C1QTNF9: variants seen among roughly 807,000 people sequenced by gnomAD.
C1QTNF9 encodes C1q and TNF related 9.
Under a neutral mutation model 10.1 loss-of-function variants are expected in C1QTNF9, and 6 were observed. The ratio of observed to expected loss-of-function variants is 0.59; its 90% confidence interval spans 0.32 to 1.17. The LOEUF (loss-of-function observed/expected upper bound fraction) is 1.17. Ranked by LOEUF, C1QTNF9 falls within the 50% of genes most tolerant of loss-of-function variation. The probability of loss-of-function intolerance (pLI) is 0.04; values close to 1 mark genes in which losing one functional copy is unlikely to be tolerated. For missense variants in C1QTNF9, 201 were observed against 418.8 expected (o/e 0.48, Z 4.54); for synonymous variants, 98 against 163.5 (o/e 0.60, Z 3.06).
chr13:24,314,474 A>G (rs1206177349), intron 1 of C1QTNF9, among the ~76,000 whole-genome samples: 1 of 152,080 alleles, frequency 6.6e-6, no homozygotes, highest in Non-Finnish European at 1.5e-5. Flanking sequence ...CCTGAGGTCA[A>G]GAGTTTGAGA....
At chr13:24,307,366 G>A (rs1305150599), upstream of C1QTNF9, 1 of 152,412 alleles carries the variant, frequency 6.6e-6, no homozygotes, top group African/African-American at 2.4e-5. Context: ...ATGGAGAGGA[G>A]ACAGAACAAC....
upstream of C1QTNF9, among the ~76,000 whole-genome samples, chr13:24,307,557 G>GGCT (rs1877645621): frequency 6.6e-6 from 1 of 152,224 alleles, no homozygotes; most frequent in Non-Finnish European, 1.5e-5. Flanking sequence ...TTCCTATGAA[G>GGCT]GCTGCCAAGT....
chr13:24,314,540 A>G lies in C1QTNF9; in HGVS notation c.-22-1442A>G, dbSNP rs1393366174. ...TCTACTAAAAATACAAAAATTAGCT[A>G]GGCGTGGTGGTGGCGCCTGTAGTCC... On this transcript the variant is annotated intron_variant, in intron 1 of 3. Transcript: ENST00000332018. Among the ~76,000 whole-genome samples, 6 of 152,192 alleles carry G rather than the reference A, an allele frequency of 3.9e-5. No individual in the cohort carries two copies. In the South Asian group the frequency reaches 1.2e-3, roughly 32 times the overall value.
At chr13:24,315,851 G>C (rs1878000154) in intron 1 of C1QTNF9, 131 bp from the exon 2 acceptor site, 1 of 957,942 alleles carries the variant, frequency 1.0e-6, no homozygotes, top group Admixed American at 2.6e-5. Flanking sequence ...TGAGCCTTCT[G>C]TCCAAGTTTG....
At chr13:24,322,334 C>T (rs1878305357) in exon 4 of C1QTNF9, 1 of 152,398 alleles carries the variant, frequency 6.6e-6, no homozygotes, top group Non-Finnish European at 1.5e-5. Flanking sequence ...CAACCCATCA[C>T]CTAGGTATTA....
chr13:24,315,719 GTA>G lies in C1QTNF9; in HGVS notation c.-22-261_-22-260del, dbSNP rs1182511748. The G allele has an allele frequency of 1.4e-5, 7 of 515,502 alleles. No homozygotes were observed. The East Asian group carries it at 2.0e-4, about 15-fold the overall frequency. The allele number at this position is 515,502 out of a possible 1,614,324, so 31.9% of individuals were successfully genotyped here. A position where few individuals can be genotyped will look rare whatever the true frequency, so the allele number is the denominator to read the frequency against. ...TCAAAGTGAAATGATGAACGGAAGA[GTA>G]TCCTGACCTTAAACTTGGCTTTTTA... On this transcript the variant is annotated intron_variant, in intron 1 of 3. Transcript: ENST00000332018.
intron 1 of C1QTNF9, among the ~76,000 whole-genome samples, chr13:24,312,873 C>T (rs190600343): frequency 4.3e-4 from 64 of 149,794 alleles, no homozygotes; most frequent in South Asian, 1.5e-3. Context: ...GAGAATGGTG[C>T]GAACCCGGGA....
chr13:24,321,860 T>C (rs1235392161), exon 4 of C1QTNF9: 4 of 1,403,260 alleles, frequency 2.9e-6, no homozygotes. Flanking sequence ...ATTCCTCCAA[T>C]TATTACAATA....
chr13:24,314,600 G>A (rs1228743193), intron 1 of C1QTNF9, among the ~76,000 whole-genome samples: 1 of 152,062 alleles, frequency 6.6e-6, no homozygotes, highest in African/African-American at 2.4e-5. Context: ...TTGAACCTGG[G>A]AGGCAGAGGC....
intron 1 of C1QTNF9, among the ~76,000 whole-genome samples, chr13:24,314,591 T>C (rs1416914456): frequency 6.6e-6 from 1 of 151,964 alleles, no homozygotes; most frequent in African/African-American, 2.4e-5. Context: ...CCGAATTGCT[T>C]GAACCTGGGA....
intron 3 of C1QTNF9, 112 bp downstream of exon 3, chr13:24,318,992 T>C: frequency 6.9e-7 from 1 of 1,458,728 alleles, no homozygotes. Context: ...GGCAACACAG[T>C]TCTTACTCTC....
chr13:24,319,698 C>G (rs1383265124), intron 3 of C1QTNF9, among the ~76,000 whole-genome samples: 1 of 152,174 alleles, frequency 6.6e-6, no homozygotes, highest in Non-Finnish European at 1.5e-5. Flanking sequence ...AGGAGTGAGA[C>G]TGAGTTTTTG....
At chr13:24,311,635 A>T (rs1206514405) in intron 1 of C1QTNF9, among the ~76,000 whole-genome samples, 9 of 152,350 alleles carry the variant, frequency 5.9e-5, no homozygotes, top group African/African-American at 1.2e-4. Flanking sequence ...TCACTTCTGA[A>T]GAGCGGCCGC....
intron 3 of C1QTNF9, among the ~76,000 whole-genome samples, chr13:24,320,354 A>G (rs1424784979): frequency 6.6e-6 from 1 of 152,186 alleles, no homozygotes; most frequent in African/African-American, 2.4e-5. Flanking sequence ...CCATGTGCAC[A>G]CACGTGTGTA....
chr13:24,319,319 G>A lies in C1QTNF9; in HGVS notation c.229+439G>A, dbSNP rs1396698115. ...TTTGGGAGGCCCAGGTAAGAGAATC[G>A]CTTGAACCTAGGAGTTCCAGACCAC... On this transcript the variant is annotated intron_variant, in intron 3 of 3. Transcript: ENST00000332018. 3.3e-5 allele frequency among the ~76,000 whole-genome samples: 5 copies of A among 152,090 alleles called. No individual in the cohort carries two copies. In the East Asian group the frequency reaches 5.8e-4, roughly 18 times the overall value.
Position 24,318,820 on chromosome 13 carries a change from G to A in C1QTNF9, c.169G>A (p.Glu57Lys), listed in dbSNP as rs1256738551. ...CTGTTTTCTGCTTTTCCACCTAGGA[G>A]AACCAGGACGTCCTGGCAGCCCGGG... Residue 57 changes from glutamate (E) to lysine (K), a missense_variant and splice_region_variant, in exon 3 of 4, where the codon GAA becomes AAA. Coordinates refer to ENST00000332018, the Ensembl canonical transcript of C1QTNF9. The A allele has an allele frequency of 3.1e-6, 5 of 1,614,160 alleles. No individual in the cohort carries two copies. The highest frequency in any genetic ancestry group is 1.3e-5 in the African/African-American group (1 of 74,958).
intron 3 of C1QTNF9, 86 bp downstream of exon 3, chr13:24,318,966 A>G (rs1878148683): frequency 6.4e-7 from 1 of 1,559,432 alleles, no homozygotes; most frequent in African/African-American, 1.4e-5. Context: ...CATGCTGATT[A>G]TAATCTTACA....
chr13:24,322,213 A>AT (rs1878299504), exon 4 of C1QTNF9: 1 of 157,742 alleles, frequency 6.3e-6, no homozygotes, highest in African/African-American at 2.4e-5. Context: ...GACACTGCTC[A>AT]TTTTGTCTTT....
chr13:24,321,740 C>A (rs1878283555), exon 4 of C1QTNF9: 1 of 1,593,186 alleles, frequency 6.3e-7, no homozygotes, highest in Non-Finnish European at 8.6e-7. Flanking sequence ...ACAACTTTCA[C>A]AGGGTTCCTT....
Sources: gnomAD v4.1 joint callset for allele counts (sites outside exome capture counted in the v4.1 genomes callset) on GRCh38, gnomAD v4.1.1 for gene constraint, MANE v1.5 for transcripts, NCBI Gene and HGNC (gene_info 2026-07-23, HGNC 2026-07-21) for gene names.